DRC8: variants seen among roughly 807,000 people sequenced by gnomAD.
The protein encoded by DRC8 is dynein regulatory complex protein 8.
At chr1:245,025,193 A>T in the DRC8 span, among the ~76,000 whole-genome samples, 1 of 152,220 alleles carries the variant, frequency 6.6e-6, no homozygotes, top group Admixed American at 6.5e-5. Flanking sequence ...AAATACACCC[A>T]CAAGGAGTGC....
At chr1:245,113,149 A>T in the DRC8 span, among the ~76,000 whole-genome samples, 3 of 152,194 alleles carry the variant, frequency 2.0e-5, no homozygotes, top group Non-Finnish European at 4.4e-5. Context: ...ATGTTTGCTT[A>T]TTCTGCTGTG....
At chr1:245,080,380 T>C in the DRC8 span, among the ~76,000 whole-genome samples, 1 of 152,228 alleles carries the variant, frequency 6.6e-6, no homozygotes, top group Non-Finnish European at 1.5e-5. Context: ...ACATTCTCTT[T>C]CTCAGGTATA....
the DRC8 span, among the ~76,000 whole-genome samples, chr1:244,999,026 C>T: frequency 8.0e-6 from 1 of 125,200 alleles, no homozygotes; most frequent in Non-Finnish European, 1.6e-5. Context: ...ATAGGATTCC[C>T]TCAAAAGACA....
At chr1:245,044,211 T>A in the DRC8 span, among the ~76,000 whole-genome samples, 1 of 152,260 alleles carries the variant, frequency 6.6e-6, no homozygotes, top group African/African-American at 2.4e-5. Context: ...GGTATGCTAT[T>A]GTCATTTCTT....
At chr1:245,040,669 C>T in the DRC8 span, among the ~76,000 whole-genome samples, 10 of 152,254 alleles carry the variant, frequency 6.6e-5, no homozygotes, top group South Asian at 2.1e-4. Flanking sequence ...TGTCTGGGCA[C>T]GGTGGCTCAT....
At chr1:245,015,701 C>T in the DRC8 span, 61 of 220,532 alleles carry the variant, frequency 2.8e-4, 2 homozygotes, top group East Asian at 0.01. Context: ...CAGAGAGAGA[C>T]TCTGTCTCAA....
At chr1:245,032,896 C>T in the DRC8 span, among the ~76,000 whole-genome samples, 21 of 151,990 alleles carry the variant, frequency 1.4e-4, no homozygotes, top group African/African-American at 5.1e-4. Flanking sequence ...GTGGTGCACG[C>T]CTGCTGTCCC....
chr1:244,993,946 T>A, the DRC8 span, among the ~76,000 whole-genome samples: 2 of 88,850 alleles, frequency 2.3e-5, no homozygotes, highest in South Asian at 7.4e-4. Flanking sequence ...GGGGATACAT[T>A]TTTTTTTTGG....
the DRC8 span, among the ~76,000 whole-genome samples, chr1:245,064,754 C>G: frequency 6.6e-6 from 1 of 152,168 alleles, no homozygotes; most frequent in African/African-American, 2.4e-5. Flanking sequence ...CACTGCTCAT[C>G]TTCATGTTCC....
the DRC8 span, among the ~76,000 whole-genome samples, chr1:244,986,536 C>G: frequency 6.6e-6 from 1 of 152,046 alleles, no homozygotes; most frequent in African/African-American, 2.4e-5. Flanking sequence ...GCCATTGGAG[C>G]TTTTTAAACA....
the DRC8 span, among the ~76,000 whole-genome samples, chr1:245,031,433 C>T: frequency 1.4e-4 from 22 of 151,800 alleles, 1 homozygote; most frequent in Admixed American, 1.4e-3. Context: ...TCCATGGAAA[C>T]CTCCCACGTG....
chr1:245,112,915 A>G, the DRC8 span, among the ~76,000 whole-genome samples: 1 of 152,026 alleles, frequency 6.6e-6, no homozygotes, highest in Non-Finnish European at 1.5e-5. Flanking sequence ...CACCACGCCC[A>G]GCTAATTTTT....
At chr1:245,106,931 C>G in the DRC8 span, among the ~76,000 whole-genome samples, 4 of 152,166 alleles carry the variant, frequency 2.6e-5, no homozygotes, top group Non-Finnish European at 5.9e-5. Context: ...GTAATCCCAG[C>G]CACTCGGGAG....
the DRC8 span, among the ~76,000 whole-genome samples, chr1:245,097,561 C>T: frequency 6.6e-6 from 1 of 151,988 alleles, no homozygotes; most frequent in East Asian, 1.9e-4. The surrounding 1 kb of genome is among the most constrained non-coding windows in gnomAD (Gnocchi z 5.0). Context: ...ACAGCGCTAG[C>T]AAACAAAACA....
chr1:245,119,601 T>C, the DRC8 span, among the ~76,000 whole-genome samples: 1 of 151,428 alleles, frequency 6.6e-6, no homozygotes, highest in Non-Finnish European at 1.5e-5. Context: ...ATCACGCCAC[T>C]GTGCTCCAGC....
chr1:245,076,122 G>A, the DRC8 span, among the ~76,000 whole-genome samples: 1 of 152,222 alleles, frequency 6.6e-6, no homozygotes. Context: ...GTATAAACAG[G>A]TGGGTCTACA....
chr1:245,076,577 A>G, the DRC8 span, among the ~76,000 whole-genome samples: 1 of 152,234 alleles, frequency 6.6e-6, no homozygotes, highest in Non-Finnish European at 1.5e-5. Flanking sequence ...GAAGAAATGC[A>G]ATGACTTTGT....
the DRC8 span, among the ~76,000 whole-genome samples, chr1:245,004,078 T>C: frequency 1.3e-5 from 2 of 152,122 alleles, no homozygotes; most frequent in Admixed American, 1.3e-4. Flanking sequence ...CTTGGATTGA[T>C]TTTTTTGTTT....
chr1:245,017,305 C>A, the DRC8 span: 1 of 1,605,326 alleles, frequency 6.2e-7, no homozygotes, highest in South Asian at 1.1e-5. Context: ...GACCATGAGT[C>A]GAATAATACA....
Sources: gnomAD v4.1 joint callset for allele counts (sites outside exome capture counted in the v4.1 genomes callset) on GRCh38, gnomAD v4.1.1 for gene constraint, Gnocchi (gnomAD v3.1) non-coding constraint, MANE v1.5 for transcripts, NCBI Gene and HGNC (gene_info 2026-07-23, HGNC 2026-07-21) for gene names.